Variants in SLC4A4 observed in about 807,000 individuals in gnomAD.
The protein encoded by SLC4A4 is electrogenic sodium bicarbonate cotransporter 1.
In SLC4A4, 27 loss-of-function variants were observed where a neutral mutation model predicts 111.5. The ratio of observed to expected loss-of-function variants is 0.24; its 90% CI spans 0.18 to 0.33. The LOEUF (loss-of-function observed/expected upper bound fraction) is 0.33. SLC4A4 is among the 10% of genes least tolerant of loss of function. The probability of loss-of-function intolerance (pLI) is 1.00; values close to 1 mark genes in which losing one functional copy is unlikely to be tolerated. For synonymous variants in SLC4A4, 443 were observed against 463.4 expected, an observed-to-expected ratio of 0.96 and a Z score of 0.57; for missense variants, 909 against 1,315.5, an observed-to-expected ratio of 0.69 and a Z score of 4.78.
intron 3 of SLC4A4, among the ~76,000 whole-genome samples, chr4:71,314,432 A>T (rs1043130003): frequency 8.5e-5 from 13 of 152,196 alleles, no homozygotes; most frequent in African/African-American, 3.1e-4. Flanking sequence ...TACCCAAAGG[A>T]TTATAAAACA....
chr4:71,125,370 G>A (rs920087770), intron 2 of SLC4A4, among the ~76,000 whole-genome samples: 3 of 152,174 alleles, frequency 2.0e-5, no homozygotes, highest in Admixed American at 6.5e-5. Context: ...GCCAGGACTT[G>A]GAGGCCAGCC....
intron 15 of SLC4A4, among the ~76,000 whole-genome samples, chr4:71,492,035 A>G (rs1388639321): frequency 6.6e-6 from 1 of 151,762 alleles, no homozygotes; most frequent in Non-Finnish European, 1.5e-5. Context: ...TCTAGGAATT[A>G]ACATTCATTT....
chr4:71,525,132 A>G (rs1733302028), intron 16 of SLC4A4, among the ~76,000 whole-genome samples: 1 of 152,134 alleles, frequency 6.6e-6, no homozygotes, highest in Admixed American at 6.6e-5. Context: ...CATGGATATT[A>G]TGTTTATAAT....
At chr4:71,515,467 C>T (rs542512453) in intron 16 of SLC4A4, among the ~76,000 whole-genome samples, 1 of 152,112 alleles carries the variant, frequency 6.6e-6, no homozygotes, top group Non-Finnish European at 1.5e-5. Flanking sequence ...GTAGAATGTT[C>T]TGTAAATGTC....
intron 12 of SLC4A4, among the ~76,000 whole-genome samples, chr4:71,455,606 G>A (rs1263520038): frequency 2.0e-5 from 3 of 152,078 alleles, no homozygotes; most frequent in South Asian, 4.2e-4. Context: ...TTGAGAGGGC[G>A]GTAAGAACAA....
intron 16 of SLC4A4, among the ~76,000 whole-genome samples, chr4:71,531,825 AGAAAGAGC>A (rs946260586): frequency 2.7e-5 from 4 of 149,470 alleles, no homozygotes; most frequent in Middle Eastern, 3.4e-3. Context: ...AGAGAGAGAG[AGAAAGAGC>A]GAGCGCAACC....
intron 7 of SLC4A4, among the ~76,000 whole-genome samples, chr4:71,440,043 G>A (rs552217124): frequency 1.3e-5 from 2 of 151,788 alleles, no homozygotes; most frequent in African/African-American, 4.8e-5. Context: ...TTTTGGCCTA[G>A]AATGTTCTTT....
intron 3 of SLC4A4, among the ~76,000 whole-genome samples, chr4:71,257,400 T>C (rs1375456921): frequency 6.6e-6 from 1 of 152,262 alleles, no homozygotes; most frequent in East Asian, 1.9e-4. Context: ...ATATTTGATA[T>C]GAGTTATCCA....
At chr4:71,090,485 G>A (rs532952511) in intron 1 of SLC4A4, among the ~76,000 whole-genome samples, 10 of 152,282 alleles carry the variant, frequency 6.6e-5, no homozygotes, top group East Asian at 5.8e-4. Flanking sequence ...CTTCTGCATC[G>A]TTCATGCTGG....
At chr4:71,143,536 A>G (rs988779623) in intron 2 of SLC4A4, among the ~76,000 whole-genome samples, 5 of 152,198 alleles carry the variant, frequency 3.3e-5, no homozygotes, top group African/African-American at 1.2e-4. Context: ...CGACTTCCAC[A>G]ATGGTTGAAC....
intron 7 of SLC4A4, among the ~76,000 whole-genome samples, chr4:71,429,180 C>T (rs1723420441): frequency 6.6e-6 from 1 of 151,942 alleles, no homozygotes; most frequent in South Asian, 2.1e-4. Flanking sequence ...TATGATTATC[C>T]CACCCATATA....
Position 71,264,469 on chromosome 4 carries a change from A to C in SLC4A4, c.253+9070A>C, listed in dbSNP as rs186176994. Among the ~76,000 whole-genome samples, 6 of 152,276 alleles carry C rather than the reference A, an allele frequency of 3.9e-5. No homozygotes were observed. In the East Asian group the frequency reaches 9.6e-4, roughly 24 times the overall value. On this transcript the variant is annotated intron_variant, in intron 3 of 25. Coordinates refer to ENST00000264485, the MANE Select transcript of SLC4A4 (RefSeq NM_001098484.3). ...TTTGTGTAGGAATAATTTAAGTGTA[A>C]TGGAAAATATGACTTCTGGATGCAA...
At chr4:71,156,232 T>C (rs1744458938) in intron 2 of SLC4A4, among the ~76,000 whole-genome samples, 1 of 152,206 alleles carries the variant, frequency 6.6e-6, no homozygotes, top group Non-Finnish European at 1.5e-5. Context: ...GTATTGCTCA[T>C]GCATTGGCTA....
At chr4:71,376,571 CAT>C (rs752665411) in intron 6 of SLC4A4, among the ~76,000 whole-genome samples, 31 of 145,864 alleles carry the variant, frequency 2.1e-4, no homozygotes, top group African/African-American at 3.2e-4. Flanking sequence ...GTCATTTAAT[CAT>C]ATATATATAT....
intron 3 of SLC4A4, among the ~76,000 whole-genome samples, chr4:71,307,002 C>G (rs1725743924): frequency 6.6e-6 from 1 of 152,144 alleles, no homozygotes; most frequent in African/African-American, 2.4e-5. Context: ...TTTCTTCACT[C>G]TTTATTAATG....
chr4:71,458,694 A>T (rs1447983521), intron 12 of SLC4A4, among the ~76,000 whole-genome samples: 1 of 152,098 alleles, frequency 6.6e-6, no homozygotes, highest in Non-Finnish European at 1.5e-5. Flanking sequence ...TTAAGTTGGA[A>T]CTATATCATT....
At chr4:71,121,444 T>C (rs1743424611) in intron 2 of SLC4A4, among the ~76,000 whole-genome samples, 2 of 152,022 alleles carry the variant, frequency 1.3e-5, no homozygotes. Flanking sequence ...CTCAGTGGGG[T>C]GGGGTGTTGG....
chr4:71,444,095 C>G (rs988884467), intron 8 of SLC4A4, among the ~76,000 whole-genome samples: 2 of 152,136 alleles, frequency 1.3e-5, no homozygotes, highest in East Asian at 3.9e-4. Flanking sequence ...TTGGTACATG[C>G]TGAGTTTATG....
chr4:71,186,156 G>C (rs1321348314), upstream of SLC4A4, among the ~76,000 whole-genome samples: 1 of 152,170 alleles, frequency 6.6e-6, no homozygotes, highest in Non-Finnish European at 1.5e-5. Context: ...AAGAGTACTT[G>C]AACCTCATTA....
Sources: allele counts gnomAD v4.1 joint callset (sites outside exome capture counted in the v4.1 genomes callset), GRCh38; gene constraint gnomAD v4.1.1; transcripts MANE v1.5; gene names NCBI Gene and HGNC (gene_info 2026-07-23, HGNC 2026-07-21).